AP1G2: variants seen among roughly 807,000 people sequenced by gnomAD.
AP1G2 encodes adaptor related protein complex 1 subunit gamma 2.
A neutral mutation model predicts 95.8 loss-of-function variants in AP1G2; 85 were observed. The ratio of observed to expected loss-of-function variants is 0.89; its 90% CI spans 0.74 to 1.06. AP1G2 has a LOEUF of 1.06. Among genes scored for constraint, AP1G2 ranks in the 50% least tolerant of loss-of-function variants. The pLI, the probability that AP1G2 is intolerant of heterozygous loss-of-function variation, is 0.00. For synonymous variants in AP1G2, 378 were observed against 400.0 expected, an observed-to-expected ratio of 0.94 and a Z score of 0.66; for missense variants, 967 against 1,005.8, an observed-to-expected ratio of 0.96 and a Z score of 0.52.
At chr14:23,559,876 G>C (rs1286368049) in intron 21 of AP1G2, 26 bp from the exon 22 acceptor site, 1 of 1,613,332 alleles carries the variant, frequency 6.2e-7, no homozygotes, top group Non-Finnish European at 8.5e-7. Flanking sequence ...CAGGGACCAG[G>C]GTTAGCACCC....
chr14:23,566,396 G>A lies in AP1G2; in HGVS notation c.353C>T (p.Pro118Leu), dbSNP rs1483356167. ...AGTGCACAAGGCCAGGCCTTGTACT[G>A]GCTGAATCCCCTGGCTCAGGTCACT... ...IKNDLSQGIQ[P>L]VQGLALCTLS... Residue 118 changes from proline (P) to leucine (L), a missense_variant, in exon 4 of 22, where the codon CCA (proline) becomes CTA (leucine). Coordinates refer to ENST00000397120, the MANE Select transcript of AP1G2 (RefSeq NM_003917.5). The A allele has an allele frequency of 6.2e-7, 1 of 1,613,924 alleles. No homozygotes were observed. Among genetic ancestry groups the A allele is most frequent in the Admixed American group, 1.7e-5 (1 of 60,020 alleles).
chr14:23,565,221 A>C (rs1376691762), intron 7 of AP1G2, 22 bp from the exon 8 acceptor site: 2 of 1,612,170 alleles, frequency 1.2e-6, no homozygotes, highest in African/African-American at 2.7e-5. Context: ...TTGAAAATGG[A>C]AAGTTGGAGG....
intron 14 of AP1G2, 111 bp downstream of exon 14, chr14:23,563,269 T>G (rs1001432768): frequency 9.3e-6 from 14 of 1,511,432 alleles, no homozygotes; most frequent in Non-Finnish European, 1.2e-5. Flanking sequence ...CTGCACTGTG[T>G]AAGCAGCTGT....
At position 23,565,214 on chromosome 14, in the gene AP1G2, A is replaced by G; in HGVS notation, c.742-15T>C. On this transcript the variant is annotated splice_polypyrimidine_tract_variant and intron_variant, in intron 7 of 21. Coordinates refer to ENST00000397120, the MANE Select transcript of AP1G2 (RefSeq NM_003917.5). ...AGTATCTGGACCTGAGGTTGGGTTG[A>G]AAATGGAAAGTTGGAGGGGTTCATA... The G allele has an allele frequency of 6.2e-7, 1 of 1,613,426 alleles. No homozygotes were observed. The highest frequency in any genetic ancestry group is 8.5e-7 in the Non-Finnish European group (1 of 1,179,598).
Position 23,561,364 on chromosome 14 carries a change from TG to T in AP1G2, c.1924del (p.His642IlefsTer39), listed in dbSNP as rs1358230692. On this transcript the variant is annotated frameshift_variant, in exon 19 of 22. Transcript: ENST00000397120. LOFTEE classifies it high-confidence loss of function. ...GGCACCTCCTGGGGAGGGGTCCAGATGGGGAGGATGCTGGACATCCCCAGAA... is the reference window on the plus strand; with the variant it reads ...GGCACCTCCTGGGGAGGGGTCCAGATGGGAGGATGCTGGACATCCCCAGAA... ...GASGDVQHPP[H>X]LDPSPGGALV... The T allele has an allele frequency of 6.3e-7, 1 of 1,596,972 alleles. No homozygotes were observed. The highest frequency in any genetic ancestry group is 8.5e-7 in the Non-Finnish European group (1 of 1,170,218).
At chr14:23,563,137 GCAGT>G in intron 14 of AP1G2, 1 of 1,402,122 alleles carries the variant, frequency 7.1e-7, no homozygotes, top group East Asian at 2.6e-5. Flanking sequence ...GCTCTAAGAG[GCAGT>G]CAGGGTACAT....
At chr14:23,560,582 G>A in intron 19 of AP1G2, 164 bp from the exon 20 acceptor site, 2 of 670,558 alleles carry the variant, frequency 3.0e-6, no homozygotes, top group Non-Finnish European at 4.5e-6. Context: ...TCTAATGGGG[G>A]AGAGAAACAA....
intron 16 of AP1G2, 36 bp from the exon 17 acceptor site, chr14:23,562,102 G>A (rs1885111365): frequency 2.5e-6 from 4 of 1,606,438 alleles, no homozygotes; most frequent in Non-Finnish European, 3.4e-6. Context: ...CTATGGCAGT[G>A]TGCCACTGCA....
chr14:23,560,462 G>C (rs1179543539), intron 19 of AP1G2, 44 bp from the exon 20 acceptor site: 1 of 1,575,924 alleles, frequency 6.3e-7, no homozygotes, highest in Non-Finnish European at 8.6e-7. Context: ...AGGTTTGAGA[G>C]AACATGTTTG....
In AP1G2 at chr14:23,561,973, G is replaced by T; in HGVS notation, c.1722C>A (p.Tyr574Ter). 6.2e-7 allele frequency: 1 copy of T among 1,610,360 alleles called. No individual in the cohort carries two copies. Among genetic ancestry groups the T allele is most frequent in the Non-Finnish European group, 8.5e-7 (1 of 1,178,366 alleles). ...AGTGCTGGACACACCTCATGTGGTC[G>T]TATTTCCGGAAGAGTGTGTCATACT... ...AVEYDTLFRK[Y>*]DHMRAAILEK... The change falls in exon 17 of 22, where the codon TAC becomes TAA. Residue 574 changes from tyrosine (Y) to a stop codon, truncating the protein, a stop_gained. Coordinates refer to ENST00000397120, the MANE Select transcript of AP1G2 (RefSeq NM_003917.5). LOFTEE classifies it high-confidence loss of function.
chr14:23,562,290 G>C lies in AP1G2; in HGVS notation c.1626C>G (p.Asn542Lys), dbSNP rs1566629300. The C allele has an allele frequency of 1.2e-6, 2 of 1,613,788 alleles. No homozygotes were observed. The highest frequency in any genetic ancestry group is 2.2e-5 in the East Asian group (1 of 44,888). Residue 542 changes from asparagine to lysine, a missense_variant and splice_region_variant, in exon 16 of 22, where the codon AAC becomes AAG. Coordinates refer to ENST00000397120, the MANE Select transcript of AP1G2 (RefSeq NM_003917.5). ...AAGGGGCTGGGACCCCTTCTTACTT[G>C]TTGTCCCCACAGAGGCGAGTGCTGA... ...MKLSTRLCGD[N>K]NRIRQVVSIY...
Position 23,565,313 on chromosome 14 carries a change from C to T in AP1G2, c.742-114G>A, listed in dbSNP as rs867855006. ...TGGCTCGCTCCCTAGAGCCTTCCCC[C>T]ACCTCCTCACCTCCACAGGTCCCTT... On this transcript the variant is annotated intron_variant, in intron 7 of 21. Coordinates refer to ENST00000397120, the MANE Select transcript of AP1G2 (RefSeq NM_003917.5). 4.8e-6 allele frequency: 5 copies of T among 1,051,718 alleles called. No homozygotes were observed. The African/African-American group carries it at 7.9e-5, about 17-fold the overall frequency. 65.1% of individuals were successfully genotyped at this position (1,051,718 alleles called of 1,614,324 possible). A position where few individuals can be genotyped will look rare whatever the true frequency, so the allele number is the denominator to read the frequency against.
chr14:23,565,246 G>A (rs767623345), intron 7 of AP1G2, 47 bp from the exon 8 acceptor site: 4 of 1,580,256 alleles, frequency 2.5e-6, no homozygotes, highest in Non-Finnish European at 3.5e-6. Flanking sequence ...CATAGGATAA[G>A]GAGTCGTGGG....
chr14:23,564,971 CTG>C (rs1887048803), intron 8 of AP1G2, 146 bp downstream of exon 8: 2 of 789,334 alleles, frequency 2.5e-6, no homozygotes, highest in East Asian at 5.3e-5. Context: ...CTAAGACAGA[CTG>C]TGTCCCTTCT....
In AP1G2 at chr14:23,562,605, A is replaced by G. The variant is rs1885494753; in HGVS notation, c.1411-12T>C. ...TGCACCAGTGGTTGCTACATGGGATAAGAAACTGCTGGGCTGGCCAGGCAT... is the reference window on the plus strand; with the variant it reads ...TGCACCAGTGGTTGCTACATGGGATGAGAAACTGCTGGGCTGGCCAGGCAT... On this transcript the variant is annotated splice_polypyrimidine_tract_variant and intron_variant, in intron 14 of 21. Transcript: ENST00000397120. The G allele has an allele frequency of 6.2e-7, 1 of 1,612,440 alleles. No individual in the cohort carries two copies. Among genetic ancestry groups the G allele is most frequent in the African/African-American group, 1.3e-5 (1 of 74,876 alleles).
intron 7 of AP1G2, 81 bp from the exon 8 acceptor site, chr14:23,565,280 T>G: frequency 7.0e-7 from 1 of 1,437,550 alleles, no homozygotes; most frequent in South Asian, 1.2e-5. Flanking sequence ...CTCCAACATG[T>G]GAGGGTCTGG....
rs1472396589 is a variant in AP1G2, at chr14:23,566,329, G to A, written c.420C>T (p.Ala140=). The change falls in exon 4 of 22, where the codon GCC becomes GCT. Residue 140 remains alanine (A), a synonymous_variant. Transcript: ENST00000397120. ...GCAGGAGCAGTTTCTCCACCTCTGG[G>A]GCCAGGTCTCGGCACATCTCAGCAG... ...MGSAEMCRDL[A]PEVEKLLLQP... 4 of 1,613,832 alleles carry A rather than the reference G, an allele frequency of 2.5e-6. No homozygotes were observed. Among genetic ancestry groups the A allele is most frequent in the Non-Finnish European group, 3.4e-6 (4 of 1,180,034 alleles).
chr14:23,560,033 G>T lies in AP1G2; in HGVS notation c.2161C>A (p.Leu721Ile). The T allele has an allele frequency of 6.2e-7, 1 of 1,601,316 alleles. No homozygotes were observed. The highest frequency in any genetic ancestry group is 1.1e-5 in the South Asian group (1 of 90,132). The change falls in exon 21 of 22, where the codon CTC (leucine) becomes ATC (isoleucine). Residue 721 changes from leucine (L) to isoleucine (I), a missense_variant. Transcript: ENST00000397120. ...FICQAAVPKS[L>I]QLQLQAPSGN... ...CTGGGGGCCTGCAGCTGCAGCTGGA[G>T]ACTCTGAACACAGGAGTTTAACAGA... is the stretch of plus-strand genomic sequence containing the variant.
Position 23,567,644 on chromosome 14 carries a change from T to C in AP1G2, c.-6+95A>G. 1 of 1,091,948 alleles carries C rather than the reference T, an allele frequency of 9.2e-7. No individual in the cohort carries two copies. Among genetic ancestry groups the C allele is most frequent in the South Asian group, 3.3e-5 (1 of 29,868 alleles). The allele number at this position is 1,091,948 out of a possible 1,614,324, so 67.6% of individuals were successfully genotyped here. A position where few individuals can be genotyped will look rare whatever the true frequency, so the allele number is the denominator to read the frequency against. ...GCCATTGCTTTTTTTTCCACGACCC[T>C]CCGCTGTTTCTTCCGCGAGCTTCCT... On this transcript the variant is annotated intron_variant, in intron 1 of 21. Coordinates refer to ENST00000397120, the MANE Select transcript of AP1G2 (RefSeq NM_003917.5). The surrounding 1 kb of genome is among the most constrained non-coding windows in gnomAD (Gnocchi z 5.3).
Sources: gnomAD v4.1 joint callset for allele counts on GRCh38, gnomAD v4.1.1 for gene constraint, Gnocchi (gnomAD v3.1) non-coding constraint, MANE v1.5 for transcripts, NCBI Gene and HGNC (gene_info 2026-07-23, HGNC 2026-07-21) for gene names.